NDUFA10: variants seen among roughly 807,000 people sequenced by gnomAD.
NDUFA10 encodes the protein NADH:ubiquinone oxidoreductase subunit A10, also known as NADH dehydrogenase [ubiquinone] 1 alpha subcomplex subunit 10, mitochondrial.
In NDUFA10, 40 loss-of-function variants were observed where a neutral mutation model predicts 47.8. The ratio of observed to expected loss-of-function variants is 0.84; its 90% CI spans 0.65 to 1.09. The LOEUF (loss-of-function observed/expected upper bound fraction) is 1.09, where lower values mean the gene tolerates loss of function less well. Ranked by LOEUF, NDUFA10 falls within the 50% of genes least tolerant of loss-of-function variation. NDUFA10 has a pLI of 0.00. For synonymous variants in NDUFA10, 183 were observed against 172.2 expected (o/e 1.06, Z -0.49); for missense variants, 413 against 451.1 (o/e 0.92, Z 0.76).
At chr2:239,897,397 C>T (rs539341845) in intron 4 of NDUFA10, among the ~76,000 whole-genome samples, 8 of 150,504 alleles carry the variant, frequency 5.3e-5, no homozygotes, top group Non-Finnish European at 1.0e-4. Flanking sequence ...TTAGATCATA[C>T]TTTTTCTTGA....
intron 9 of NDUFA10, among the ~76,000 whole-genome samples, chr2:239,988,706 G>C (rs1157058568): frequency 6.6e-6 from 1 of 152,228 alleles, no homozygotes; most frequent in Non-Finnish European, 1.5e-5. Context: ...CGAACACCAA[G>C]TGTGGGTTTT....
chr2:239,942,680 T>C (rs773451064), intron 4 of NDUFA10, among the ~76,000 whole-genome samples: 2 of 152,134 alleles, frequency 1.3e-5, no homozygotes, highest in Non-Finnish European at 2.9e-5. Flanking sequence ...ATCTTGCGCA[T>C]GCTGTGGTCC....
rs117488687 is a variant in NDUFA10, at chr2:239,908,991, G to A, written c.295-13677C>T. ...CTAACTCGAAGGTGTGGTCTGAGCC[G>A]GCTCCCAAGCTCTCCACTGGCTGAC... On this transcript the variant is annotated intron_variant, in intron 4 of 5. Transcript: ENST00000419408. Among the ~76,000 whole-genome samples the A allele has an allele frequency of 4.7e-4, 72 of 152,296 alleles. No homozygotes were observed. The East Asian group carries it at 0.013, about 27-fold the overall frequency.
At chr2:239,907,617 C>T (rs1172937087) in intron 4 of NDUFA10, among the ~76,000 whole-genome samples, 2 of 152,202 alleles carry the variant, frequency 1.3e-5, no homozygotes, top group African/African-American at 4.8e-5. Context: ...CAAAAGAAGA[C>T]ATTTATGCAG....
chr2:240,021,739 A>G (rs540345399), intron 2 of NDUFA10, among the ~76,000 whole-genome samples: 1 of 152,356 alleles, frequency 6.6e-6, no homozygotes, highest in East Asian at 1.9e-4. Flanking sequence ...ATGGACACTC[A>G]GCTGCACCAG....
chr2:239,971,285 G>A (rs981320685), intron 9 of NDUFA10, among the ~76,000 whole-genome samples: 2 of 152,202 alleles, frequency 1.3e-5, no homozygotes, highest in South Asian at 2.1e-4. Context: ...CAGGTACATC[G>A]CAAGGGTCTC....
In NDUFA10 at chr2:239,945,454, G is replaced by A. The variant is rs1001724079; in HGVS notation, c.294+44620C>T. Among the ~76,000 whole-genome samples, 7 of 152,218 alleles carry A rather than the reference G, an allele frequency of 4.6e-5. No homozygotes were observed. Among genetic ancestry groups the A allele is most frequent in the South Asian group, 4.1e-4 (2 of 4,820 alleles). Reference sequence around the variant, plus strand: ...TTTCAAAGACGCTGGGAGGCCCCTCGGGGGAAGAGCGGACACCCCAACCGG... The same window carrying A: ...TTTCAAAGACGCTGGGAGGCCCCTCAGGGGAAGAGCGGACACCCCAACCGG... On this transcript the variant is annotated intron_variant, in intron 4 of 5. Coordinates refer to the NDUFA10 transcript ENST00000419408. The surrounding 1 kb of genome is among the most constrained non-coding windows in gnomAD (Gnocchi z 4.6).
At chr2:239,936,915 G>C (rs555051358) in intron 4 of NDUFA10, among the ~76,000 whole-genome samples, 45 of 152,290 alleles carry the variant, frequency 3.0e-4, no homozygotes, top group African/African-American at 1.0e-3. Flanking sequence ...AGCCACAGTC[G>C]CGCCACTGGA....
At chr2:239,892,999 G>T (rs1467949353) in intron 5 of NDUFA10, among the ~76,000 whole-genome samples, 1 of 152,160 alleles carries the variant, frequency 6.6e-6, no homozygotes, top group African/African-American at 2.4e-5. Flanking sequence ...GGCCCTGAAC[G>T]CCTACGTGGA....
chr2:240,008,598 C>T (rs1697029055), intron 6 of NDUFA10, among the ~76,000 whole-genome samples: 1 of 152,206 alleles, frequency 6.6e-6, no homozygotes, highest in African/African-American at 2.4e-5. Flanking sequence ...GGCACAGAAA[C>T]ATTATTTGTT....
At chr2:239,961,451 T>C (rs941678287) in intron 9 of NDUFA10, among the ~76,000 whole-genome samples, 1 of 152,170 alleles carries the variant, frequency 6.6e-6, no homozygotes, top group South Asian at 2.1e-4. Flanking sequence ...TTCTCATTAA[T>C]GTCAGGAGGG....
chr2:240,023,462 C>T (rs1574904897), intron 1 of NDUFA10, among the ~76,000 whole-genome samples: 1 of 152,094 alleles, frequency 6.6e-6, no homozygotes, highest in Admixed American at 6.5e-5. Context: ...TCCTAAACTG[C>T]TAATGGTAAT....
downstream of NDUFA10, among the ~76,000 whole-genome samples, chr2:239,955,729 G>C (rs1694639788): frequency 1.3e-5 from 2 of 152,292 alleles, no homozygotes; most frequent in Admixed American, 1.3e-4. Context: ...GGCCCAAGGG[G>C]AGCCGAGTCA....
intron 4 of NDUFA10, among the ~76,000 whole-genome samples, chr2:239,901,169 A>G (rs753827813): frequency 2.0e-5 from 3 of 152,124 alleles, no homozygotes; most frequent in Non-Finnish European, 4.4e-5. Flanking sequence ...AAATCCTAGG[A>G]CCCTTAAAAA....
chr2:240,018,530 G>C, intron 4 of NDUFA10, 23 bp downstream of exon 4: 2 of 1,614,236 alleles, frequency 1.2e-6, no homozygotes, highest in Non-Finnish European at 1.7e-6. Context: ...ACACCCAGAA[G>C]TGGGTCTGCA....
At chr2:239,986,712 A>G (rs868243101) in intron 9 of NDUFA10, among the ~76,000 whole-genome samples, 41 of 152,250 alleles carry the variant, frequency 2.7e-4, no homozygotes, top group African/African-American at 8.2e-4. Flanking sequence ...TTTGGCAATC[A>G]TCATAGTAAT....
intron 9 of NDUFA10, among the ~76,000 whole-genome samples, chr2:239,984,214 T>TA (rs1414711992): frequency 1.4e-5 from 2 of 146,702 alleles, no homozygotes; most frequent in Non-Finnish European, 3.0e-5. Context: ...GCCTGGGCGA[T>TA]AGAGTGACAA....
At position 239,959,562 on chromosome 2, in the gene NDUFA10, T is replaced by C; in HGVS notation, c.*1556A>G. On this transcript the variant is annotated 3_prime_UTR_variant, in exon 10 of 10. Transcript: ENST00000252711. ...AGTGAAATGCAAAACTTCAGCCACT[T>C]AAATCTCGACTCCAATTCAAAACTC... 6 of 985,534 alleles carry C rather than the reference T, an allele frequency of 6.1e-6. No individual in the cohort carries two copies. The highest frequency in any genetic ancestry group is 7.2e-6 in the Non-Finnish European group (6 of 829,966). The allele number at this position is 985,534 out of a possible 1,614,324, so 61.0% of individuals were successfully genotyped here. A position where few individuals can be genotyped will look rare whatever the true frequency, so the allele number is the denominator to read the frequency against.
intron 4 of NDUFA10, among the ~76,000 whole-genome samples, chr2:239,944,407 C>T (rs1199435503): frequency 2.0e-5 from 3 of 152,214 alleles, no homozygotes; most frequent in South Asian, 2.1e-4. Context: ...ATCTCTGGCT[C>T]GGACCTCTGG....
Sources: allele counts gnomAD v4.1 joint callset (sites outside exome capture counted in the v4.1 genomes callset), GRCh38; gene constraint gnomAD v4.1.1; non-coding constraint Gnocchi (gnomAD v3.1); transcripts MANE v1.5; gene names NCBI Gene and HGNC (gene_info 2026-07-23, HGNC 2026-07-21).